COPG2: variants seen among roughly 807,000 people sequenced by gnomAD.
COPG2 encodes the protein coatomer subunit gamma-2.
Under a neutral mutation model 46.3 loss-of-function variants are expected in COPG2, and 37 were observed. The ratio of observed to expected loss-of-function variants is 0.80; its 90% confidence interval spans 0.61 to 1.05. The LOEUF (loss-of-function observed/expected upper bound fraction) is 1.05, where lower values mean the gene tolerates loss of function less well. Ranked by LOEUF, COPG2 falls within the 50% of genes least tolerant of loss-of-function variation. COPG2 has a pLI of 0.00. For missense variants in COPG2, 427 were observed against 387.8 expected, an observed-to-expected ratio of 1.10 and a Z score of -0.85; for synonymous variants, 159 against 129.7, an observed-to-expected ratio of 1.23 and a Z score of -1.53.
At chr7:130,612,327 A>G in intron 7 of COPG2, 89 bp from the exon 8 acceptor site, 1 of 807,908 alleles carries the variant, frequency 1.2e-6, no homozygotes. Flanking sequence ...AAAATCACAG[A>G]CATTTCCCAA....
intron 9 of COPG2, among the ~76,000 whole-genome samples, chr7:130,609,609 C>T (rs1271716690): frequency 6.6e-6 from 1 of 152,124 alleles, no homozygotes; most frequent in African/African-American, 2.4e-5. Flanking sequence ...ATTCTGTTTC[C>T]TTTCCTTCTG....
intron 7 of COPG2, among the ~76,000 whole-genome samples, chr7:130,612,499 AG>A (rs1794870765): frequency 6.6e-6 from 1 of 152,204 alleles, no homozygotes; most frequent in Non-Finnish European, 1.5e-5. Context: ...AGAACAGGAT[AG>A]GGATGGACAG....
chr7:130,657,330 G>A (rs1168911843), intron 4 of COPG2, among the ~76,000 whole-genome samples: 1 of 152,030 alleles, frequency 6.6e-6, no homozygotes, highest in Admixed American at 6.5e-5. Flanking sequence ...GTGGATGGAG[G>A]AAGAGAAAAG....
chr7:130,629,034 T>TA (rs1330825322), intron 5 of COPG2, among the ~76,000 whole-genome samples: 2 of 152,200 alleles, frequency 1.3e-5, no homozygotes, highest in Non-Finnish European at 2.9e-5. Context: ...CATAAATTAG[T>TA]AAGTCTTTAC....
chr7:130,572,382 G>C (rs1793921664), intron 9 of COPG2, among the ~76,000 whole-genome samples: 1 of 152,096 alleles, frequency 6.6e-6, no homozygotes, highest in Non-Finnish European at 1.5e-5. Flanking sequence ...ACTGATTATA[G>C]AAAACATTCA....
intron 9 of COPG2, among the ~76,000 whole-genome samples, chr7:130,589,054 A>G (rs1434516077): frequency 6.6e-6 from 1 of 152,160 alleles, no homozygotes; most frequent in Non-Finnish European, 1.5e-5. Context: ...TCATGAAACA[A>G]TAATTAATTC....
rs1253518808 is a variant in COPG2, at chr7:130,507,585, AG to A, written c.2386+99del. 16 of 656,618 alleles carry A rather than the reference AG, an allele frequency of 2.4e-5. No individual in the cohort carries two copies. The African/African-American group carries it at 2.8e-4, about 11-fold the overall frequency. The allele number at this position is 656,618 out of a possible 1,614,324, so 40.7% of individuals were successfully genotyped here. A position where few individuals can be genotyped will look rare whatever the true frequency, so the allele number is the denominator to read the frequency against. On this transcript the variant is annotated intron_variant, in intron 22 of 23. Transcript: ENST00000425248. The stretch of plus-strand genomic sequence containing the variant: ...GGCCTTTTAAGTAAGAGATTTATGA[AG>A]TTTTTTTTTTTTTAAAGGAGTTCTT...
intron 3 of COPG2, among the ~76,000 whole-genome samples, chr7:130,665,758 A>G (rs1470526793): frequency 6.6e-6 from 1 of 151,834 alleles, no homozygotes; most frequent in African/African-American, 2.4e-5. Flanking sequence ...ACTGATACTG[A>G]GGGAATATGA....
intron 20 of COPG2, chr7:130,509,451 T>C: frequency 2.6e-6 from 1 of 380,224 alleles, no homozygotes; most frequent in South Asian, 2.0e-5. Context: ...AGCTTATAGG[T>C]ACAAAAAATA....
chr7:130,630,160 C>A (rs1795202915), intron 5 of COPG2, among the ~76,000 whole-genome samples: 1 of 152,116 alleles, frequency 6.6e-6, no homozygotes, highest in Non-Finnish European at 1.5e-5. Context: ...ATCCACCTGC[C>A]TTGGCCTCCC....
At chr7:130,619,692 A>C (rs782557416) in intron 5 of COPG2, among the ~76,000 whole-genome samples, 1 of 152,188 alleles carries the variant, frequency 6.6e-6, no homozygotes, top group Non-Finnish European at 1.5e-5. Flanking sequence ...TTTTGATTTA[A>C]TATAACTTCA....
Position 130,525,338 on chromosome 7 carries a change from T to C in COPG2, c.2150-16679A>G, listed in dbSNP as rs1034261427. 1.1e-3 allele frequency among the ~76,000 whole-genome samples: 163 copies of C among 152,208 alleles called. 1 individual carries two copies. Among genetic ancestry groups the C allele is most frequent in the Admixed American group, 3.6e-3 (55 of 15,296 alleles). On this transcript the variant is annotated intron_variant, in intron 20 of 23. Transcript: ENST00000425248. ...CATGACCGTCATCAAGGCCAGACTG[T>C]AGGATCAGAGCAGATGCAAGAGCCC...
chr7:130,517,718 A>T (rs1799690958), intron 20 of COPG2, among the ~76,000 whole-genome samples: 1 of 152,250 alleles, frequency 6.6e-6, no homozygotes. Context: ...ATTTAATGCT[A>T]GTAGCCAAAA....
intron 9 of COPG2, among the ~76,000 whole-genome samples, chr7:130,605,016 T>C (rs559346002): frequency 5.9e-5 from 9 of 152,236 alleles, no homozygotes; most frequent in East Asian, 1.9e-4. Flanking sequence ...TACTGGGAAA[T>C]ATTTGGTCAT....
chr7:130,520,764 C>A (rs1041442825), intron 20 of COPG2, among the ~76,000 whole-genome samples: 1 of 152,258 alleles, frequency 6.6e-6, no homozygotes, highest in East Asian at 1.9e-4. Flanking sequence ...TTCCAAAAAA[C>A]TTCTTGTTTT....
chr7:130,528,584 G>A (rs1379109364), intron 20 of COPG2, among the ~76,000 whole-genome samples: 3 of 152,056 alleles, frequency 2.0e-5, no homozygotes, highest in Admixed American at 6.5e-5. Flanking sequence ...GCAGGAGGGT[G>A]CAGGTGGGAC....
intron 3 of COPG2, among the ~76,000 whole-genome samples, chr7:130,666,072 A>G (rs1796073818): frequency 6.6e-6 from 1 of 152,156 alleles, no homozygotes; most frequent in South Asian, 2.1e-4. Context: ...TAATTATCTC[A>G]TTTAGTCATT....
At chr7:130,615,494 A>G (rs1554452725) in intron 6 of COPG2, among the ~76,000 whole-genome samples, 3 of 152,172 alleles carry the variant, frequency 2.0e-5, no homozygotes, top group African/African-American at 4.8e-5. Flanking sequence ...CCACCCCAAC[A>G]AGTTTTTTGA....
intron 9 of COPG2, among the ~76,000 whole-genome samples, chr7:130,571,847 A>C (rs1960480): frequency 0.83 from 122,297 of 147,314 alleles, 50,928 homozygotes; most frequent in South Asian, 0.92. Flanking sequence ...CTCTCTCTCT[A>C]TATATATATA....
Sources: allele counts gnomAD v4.1 joint callset (sites outside exome capture counted in the v4.1 genomes callset), GRCh38; gene constraint gnomAD v4.1.1; transcripts MANE v1.5; gene names NCBI Gene and HGNC (gene_info 2026-07-23, HGNC 2026-07-21).